The following MAGED1 variants were observed in gnomAD, a reference collection of about 807,000 sequenced individuals.
MAGED1 encodes the protein melanoma-associated antigen D1.
MAGED1 carries 3 observed loss-of-function variants against 54.1 expected under a neutral mutation model. That is an observed-to-expected ratio of 0.06 (90% confidence interval 0.03 to 0.14). The LOEUF is 0.14. Among genes scored for constraint, MAGED1 ranks in the 10% least tolerant of loss-of-function variants. The pLI is 1.00. For missense variants in MAGED1, 485 were observed against 623.4 expected (o/e 0.78, Z 2.36); for synonymous variants, 217 against 227.3 (o/e 0.95, Z 0.41).
intron 1 of MAGED1, among the ~76,000 whole-genome samples, chrX:51,814,275 C>T (rs1602207510): frequency 8.9e-6 from 1 of 111,830 alleles, no homozygotes; most frequent in East Asian, 2.8e-4. Flanking sequence ...GCTGCTGCCG[C>T]TGCCGCTGCT....
chrX:51,897,606 G>A lies in MAGED1; in HGVS notation c.1546G>A (p.Ala516Thr). 8.3e-7 allele frequency: 1 copy of A among 1,207,226 alleles called. No individual in the cohort carries two copies. Among genetic ancestry groups the A allele is most frequent in the Non-Finnish European group, 1.1e-6 (1 of 892,164 alleles). Residue 516 changes from alanine to threonine, a missense_variant, in exon 6 of 13, where the codon GCA (alanine) becomes ACA (threonine). Ala to Thr is a moderately conservative substitution (Grantham distance 58, BLOSUM62 0). Coordinates refer to ENST00000326587, the MANE Select transcript of MAGED1 (RefSeq NM_006986.4). The stretch of plus-strand genomic sequence containing the variant: ...TGTTTATCCAGAAATCATTGAACGT[G>A]CATGCTTTGTCCTAGAGAAGGTGAG... ...TDVYPEIIERACFVLEKKFGI... is the reference protein window; with the variant it reads ...TDVYPEIIERTCFVLEKKFGI...
intron 1 of MAGED1, among the ~76,000 whole-genome samples, chrX:51,862,932 A>G (rs1486238671): frequency 8.9e-6 from 1 of 112,142 alleles, no homozygotes; most frequent in East Asian, 2.8e-4. Context: ...TCTACAGTCA[A>G]GCTAATTAAC....
At chrX:51,821,049 G>A (rs1412310414) in intron 1 of MAGED1, among the ~76,000 whole-genome samples, 2 of 111,079 alleles carry the variant, frequency 1.8e-5, no homozygotes, top group Non-Finnish European at 3.8e-5. Context: ...GGCTTATTTC[G>A]CTTAGACTTG....
At chrX:51,869,217 G>A (rs1356847703) in intron 1 of MAGED1, among the ~76,000 whole-genome samples, 4 of 111,231 alleles carry the variant, frequency 3.6e-5, no homozygotes, top group Admixed American at 2.9e-4. Flanking sequence ...TTGAGTAATT[G>A]GGGTGTGACT....
intron 1 of MAGED1, among the ~76,000 whole-genome samples, chrX:51,818,911 G>A (rs1925527720): frequency 8.9e-6 from 1 of 111,845 alleles, no homozygotes; most frequent in Admixed American, 9.5e-5. Context: ...CAGAATTTGA[G>A]GCATCATTGA....
Position 51,895,280 on chromosome X carries a change from C to T in MAGED1, c.273C>T (p.Val91=), listed in dbSNP as rs1160608355. Residue 91 remains valine (V), a synonymous_variant, in exon 3 of 13, where the codon GTC becomes GTT. Coordinates refer to ENST00000326587, the MANE Select transcript of MAGED1 (RefSeq NM_006986.4). ...QNATTKGPNG[V]YDFSQAHNAK... The stretch of plus-strand genomic sequence containing the variant: ...CCACCACAAAAGGCCCAAATGGTGT[C>T]TATGATTTCTCTCAGGCTCATAATG... 1.7e-6 allele frequency: 2 copies of T among 1,209,697 alleles called. No homozygotes were observed. The highest frequency in any genetic ancestry group is 2.2e-6 in the Non-Finnish European group (2 of 895,007).
At chrX:51,837,914 A>G (rs1386519180) in intron 1 of MAGED1, among the ~76,000 whole-genome samples, 3 of 112,843 alleles carry the variant, frequency 2.7e-5, no homozygotes, top group African/African-American at 9.7e-5. Flanking sequence ...AAATGACCAC[A>G]AAGACATTTC....
chrX:51,889,521 G>A (rs1055568179), upstream of MAGED1, among the ~76,000 whole-genome samples: 12 of 106,594 alleles, frequency 1.1e-4, no homozygotes, highest in African/African-American at 4.1e-4. Context: ...CCAGTTACTC[G>A]GGAGGCTCTA....
At chrX:51,900,393 G>A in intron 11 of MAGED1, 97 bp downstream of exon 11, 1 of 636,824 alleles carries the variant, frequency 1.6e-6, no homozygotes. Context: ...GGTGTGGCAG[G>A]TGGTAGGTGC....
In MAGED1 at chrX:51,859,580, G is replaced by T. The variant is rs1011913558; in HGVS notation, c.-36-34689G>T. ...GCTGAATAAATGGCCCCCCAAAACT[G>T]TCTGCATTTTAATCTCTAGAACCTG... On this transcript the variant is annotated intron_variant, in intron 1 of 12. Coordinates refer to the MAGED1 transcript ENST00000375772. 5.4e-5 allele frequency among the ~76,000 whole-genome samples: 6 copies of T among 111,915 alleles called. No individual in the cohort carries two copies. In the Admixed American group the frequency reaches 5.7e-4, roughly 11 times the overall value.
At chrX:51,814,307 G>GCTGCCA (rs1402830639) in intron 1 of MAGED1, among the ~76,000 whole-genome samples, 4 of 111,168 alleles carry the variant, frequency 3.6e-5, no homozygotes, top group Admixed American at 9.5e-5. Context: ...CGCCGCTGCC[G>GCTGCCA]CTGCCACTGC....
intron 1 of MAGED1, among the ~76,000 whole-genome samples, chrX:51,832,921 A>T (rs1310895974): frequency 9.0e-6 from 1 of 111,681 alleles, no homozygotes; most frequent in Non-Finnish European, 1.9e-5. Flanking sequence ...ATAAAAGCAC[A>T]TTGTTTTATT....
At chrX:51,863,954 T>A (rs1215873574) in intron 1 of MAGED1, among the ~76,000 whole-genome samples, 1 of 111,466 alleles carries the variant, frequency 9.0e-6, no homozygotes, top group African/African-American at 3.3e-5. Context: ...CTTTTCATTT[T>A]GTTGATTGTT....
In MAGED1 at chrX:51,865,912, C is replaced by T. The variant is rs138973647; in HGVS notation, c.-36-28357C>T. ...AAGTGTGTAGCACCTCCACCCTTCT[C>T]TCTCTTCCTCCTGCTCTGGCCATGT... is the stretch of plus-strand genomic sequence containing the variant. On this transcript the variant is annotated intron_variant, in intron 1 of 12. Transcript: ENST00000375772. 3.6e-5 allele frequency among the ~76,000 whole-genome samples: 4 copies of T among 111,665 alleles called. No individual in the cohort carries two copies. The East Asian group carries it at 1.1e-3, about 31-fold the overall frequency.
intron 1 of MAGED1, among the ~76,000 whole-genome samples, chrX:51,832,386 G>C (rs1363042254): frequency 2.7e-5 from 3 of 110,636 alleles, no homozygotes; most frequent in African/African-American, 9.9e-5. Context: ...TCACCCTATT[G>C]TGCTACTGAA....
At chrX:51,851,128 T>A (rs1048034296) in intron 1 of MAGED1, among the ~76,000 whole-genome samples, 3 of 111,803 alleles carry the variant, frequency 2.7e-5, no homozygotes, top group African/African-American at 9.8e-5. Flanking sequence ...GAATCCTAGC[T>A]CTTTGTGGAT....
intron 1 of MAGED1, among the ~76,000 whole-genome samples, chrX:51,873,898 A>G (rs1330265945): frequency 1.8e-5 from 2 of 111,355 alleles, no homozygotes; most frequent in African/African-American, 6.5e-5. Context: ...CTCCTTATAC[A>G]GAGCTTTCCC....
chrX:51,844,009 G>A (rs1557359019), intron 1 of MAGED1, among the ~76,000 whole-genome samples: 1 of 111,875 alleles, frequency 8.9e-6, no homozygotes, highest in Non-Finnish European at 1.9e-5. Context: ...ATCTGTATCA[G>A]CTTGTTAAAA....
intron 1 of MAGED1, among the ~76,000 whole-genome samples, chrX:51,821,102 C>T (rs1464494267): frequency 8.9e-6 from 1 of 111,847 alleles, no homozygotes; most frequent in Admixed American, 9.5e-5. Flanking sequence ...CAAGGTAGAA[C>T]TACAATTGAT....
Sources: gnomAD v4.1 joint callset for allele counts (sites outside exome capture counted in the v4.1 genomes callset) on GRCh38, gnomAD v4.1.1 for gene constraint, MANE v1.5 for transcripts, NCBI Gene and HGNC (gene_info 2026-07-23, HGNC 2026-07-21) for gene names.